Variants in ACTR2 observed in about 807,000 individuals in gnomAD.
The protein encoded by ACTR2 is actin related protein 2.
In ACTR2, 5 loss-of-function variants were observed where a neutral mutation model predicts 50.2. The observed-to-expected ratio is 0.10, with a 90% CI of 0.05 to 0.21. The LOEUF is 0.21. Ranked by LOEUF, ACTR2 falls within the 10% of genes least tolerant of loss-of-function variation. The probability of loss-of-function intolerance (pLI) is 1.00; values close to 1 mark genes in which losing one functional copy is unlikely to be tolerated. For synonymous variants in ACTR2, 140 were observed against 162.9 expected, an observed-to-expected ratio of 0.86 and a Z score of 1.07; for missense variants, 180 against 480.6, an observed-to-expected ratio of 0.37 and a Z score of 5.85.
At chr2:65,233,906 C>A (rs1038328020) in intron 1 of ACTR2, among the ~76,000 whole-genome samples, 1 of 151,946 alleles carries the variant, frequency 6.6e-6, no homozygotes, top group Non-Finnish European at 1.5e-5. Context: ...CCCCCACACT[C>A]AGCCTTTTTT....
At chr2:65,230,780 G>A (rs1428990963) in intron 1 of ACTR2, among the ~76,000 whole-genome samples, 1 of 151,970 alleles carries the variant, frequency 6.6e-6, no homozygotes, top group South Asian at 2.1e-4. Context: ...TAGGCTGGGC[G>A]TTGTGGCTCA....
intron 2 of ACTR2, among the ~76,000 whole-genome samples, chr2:65,245,461 A>G: frequency 6.6e-6 from 1 of 152,180 alleles, no homozygotes. Flanking sequence ...CAGAGGTTGT[A>G]GTGAGCTGAG....
At chr2:65,246,500 T>A in intron 2 of ACTR2, 24 bp from the exon 3 acceptor site, 1 of 1,523,720 alleles carries the variant, frequency 6.6e-7, no homozygotes, top group Non-Finnish European at 8.9e-7. Context: ...AACTTTGATC[T>A]ACAGCTTTGA....
intron 1 of ACTR2, among the ~76,000 whole-genome samples, chr2:65,238,755 G>C (rs1671786401): frequency 6.6e-6 from 1 of 151,758 alleles, no homozygotes; most frequent in Non-Finnish European, 1.5e-5. Context: ...AGCAGCTGAG[G>C]TCAGGAGTTC....
intron 1 of ACTR2, among the ~76,000 whole-genome samples, chr2:65,232,050 A>G (rs1671648504): frequency 6.6e-6 from 1 of 152,192 alleles, no homozygotes; most frequent in Non-Finnish European, 1.5e-5. Context: ...TGCCCAGAGG[A>G]GGAAAACTCA....
intron 1 of ACTR2, among the ~76,000 whole-genome samples, chr2:65,235,714 C>A (rs964582745): frequency 6.6e-6 from 1 of 152,082 alleles, no homozygotes; most frequent in African/African-American, 2.4e-5. Context: ...GAGATCACGC[C>A]ACTGCACTCC....
intron 1 of ACTR2, among the ~76,000 whole-genome samples, chr2:65,235,522 T>C (rs577249313): frequency 2.2e-4 from 34 of 152,310 alleles, no homozygotes; most frequent in Non-Finnish European, 4.6e-4. Context: ...TTTGAGAGGC[T>C]GAGGCGAGTG....
chr2:65,253,182 G>A (rs1467285430), intron 4 of ACTR2, among the ~76,000 whole-genome samples: 2 of 152,208 alleles, frequency 1.3e-5, no homozygotes, highest in Non-Finnish European at 2.9e-5. Flanking sequence ...GCTCACGCCT[G>A]TAACCCCAGC....
intron 1 of ACTR2, among the ~76,000 whole-genome samples, chr2:65,231,860 C>A (rs1019363016): frequency 6.6e-6 from 1 of 152,110 alleles, no homozygotes; most frequent in Non-Finnish European, 1.5e-5. Flanking sequence ...CTAAAAAAAT[C>A]ACCAAAAAAA....
At chr2:65,238,963 C>T (rs1413168122) in intron 1 of ACTR2, among the ~76,000 whole-genome samples, 1 of 151,914 alleles carries the variant, frequency 6.6e-6, no homozygotes, top group Non-Finnish European at 1.5e-5. Context: ...AGTGAAACTC[C>T]GTCTCAAAGA....
intron 1 of ACTR2, among the ~76,000 whole-genome samples, chr2:65,234,510 A>G (rs1374015322): frequency 2.6e-5 from 4 of 152,156 alleles, no homozygotes; most frequent in African/African-American, 9.7e-5. Context: ...AACTTGGGAA[A>G]TGTTTGTTGC....
intron 6 of ACTR2, among the ~76,000 whole-genome samples, chr2:65,260,704 C>T (rs74648714): frequency 0.026 from 3,952 of 151,206 alleles, 75 homozygotes; most frequent in South Asian, 0.056. Flanking sequence ...CCAAGAAATT[C>T]CTGATATTTG....
chr2:65,264,363 T>G (rs967234964), intron 7 of ACTR2, among the ~76,000 whole-genome samples: 1 of 152,202 alleles, frequency 6.6e-6, no homozygotes, highest in Non-Finnish European at 1.5e-5. Context: ...GGAAGCCAGG[T>G]TGAAAAAGGC....
At chr2:65,252,705 A>G (rs1415450783) in intron 4 of ACTR2, among the ~76,000 whole-genome samples, 1 of 152,192 alleles carries the variant, frequency 6.6e-6, no homozygotes, top group Non-Finnish European at 1.5e-5. Flanking sequence ...ATGGTGGCTC[A>G]TGGCTGTAAT....
At chr2:65,261,563 C>T (rs566730089) in intron 7 of ACTR2, among the ~76,000 whole-genome samples, 171 bp downstream of exon 7, 1 of 152,336 alleles carries the variant, frequency 6.6e-6, no homozygotes, top group South Asian at 2.1e-4. Flanking sequence ...GAAAACTTAT[C>T]TGTATCCTTT....
At position 65,242,916 on chromosome 2, in the gene ACTR2, C is replaced by T. The variant is rs1292125954; in HGVS notation, c.159+2954C>T. 2.6e-5 allele frequency among the ~76,000 whole-genome samples: 4 copies of T among 152,068 alleles called. No homozygotes were observed. The East Asian group carries it at 7.7e-4, about 29-fold the overall frequency. On this transcript the variant is annotated intron_variant, in intron 2 of 8. Transcript: ENST00000260641. ...AAGTTTTCTTTTGAATAAACAAAAACATTTAAAAGAGGAAATTTATCCTAA... is the reference window on the plus strand; with the variant it reads ...AAGTTTTCTTTTGAATAAACAAAAATATTTAAAAGAGGAAATTTATCCTAA...
intron 3 of ACTR2, among the ~76,000 whole-genome samples, chr2:65,248,771 T>C (rs1177316869): frequency 6.6e-6 from 1 of 152,100 alleles, no homozygotes; most frequent in Non-Finnish European, 1.5e-5. Flanking sequence ...CCCAGCACTT[T>C]GGGAGGCCAA....
intron 1 of ACTR2, among the ~76,000 whole-genome samples, chr2:65,232,895 T>C (rs1157933959): frequency 2.0e-5 from 3 of 152,058 alleles, no homozygotes; most frequent in African/African-American, 7.2e-5. Context: ...CTTAAAATGA[T>C]TGACATGGGG....
intron 1 of ACTR2, among the ~76,000 whole-genome samples, chr2:65,235,712 G>A (rs764858337): frequency 1.3e-5 from 2 of 152,068 alleles, no homozygotes; most frequent in Non-Finnish European, 2.9e-5. Context: ...CCGAGATCAC[G>A]CCACTGCACT....
Sources: allele counts gnomAD v4.1 joint callset (sites outside exome capture counted in the v4.1 genomes callset), GRCh38; gene constraint gnomAD v4.1.1; transcripts MANE v1.5; gene names NCBI Gene and HGNC (gene_info 2026-07-23, HGNC 2026-07-21).